Variants in RPS24 observed in about 807,000 individuals in gnomAD.
RPS24 encodes the protein ribosomal protein S24.
For synonymous variants in RPS24, 72 were observed against 55.6 expected (o/e 1.30, Z -1.31); for missense variants, 100 against 162.5 (o/e 0.62, Z 2.09).
chr10:78,050,796 TAGTTTTTGTAGAGACAG>T (rs1162408908), intron 4 of RPS24, among the ~76,000 whole-genome samples: 8 of 152,148 alleles, frequency 5.3e-5, no homozygotes, highest in Admixed American at 5.2e-4. Flanking sequence ...TCTTTTTTTT[TAGTTTTTGTAGAGACAG>T]AGTCTCTACA....
intron 1 of RPS24, among the ~76,000 whole-genome samples, chr10:78,035,085 T>C (rs1402447984): frequency 6.6e-6 from 1 of 152,176 alleles, no homozygotes; most frequent in Non-Finnish European, 1.5e-5. Context: ...AGTGCTGAGG[T>C]TGAGAAACCC....
intron 4 of RPS24, among the ~76,000 whole-genome samples, chr10:78,046,176 C>T (rs759455648): frequency 2.1e-4 from 32 of 152,018 alleles, no homozygotes; most frequent in South Asian, 4.1e-4. Flanking sequence ...CTCTAAGATC[C>T]GTTCTGCCTC....
At chr10:78,047,190 T>G (rs1391245777) in intron 4 of RPS24, among the ~76,000 whole-genome samples, 1 of 151,798 alleles carries the variant, frequency 6.6e-6, no homozygotes, top group Non-Finnish European at 1.5e-5. Context: ...GGTCTTGAAC[T>G]CCTGACGTCA....
At chr10:78,046,436 G>A (rs1848044645) in intron 4 of RPS24, among the ~76,000 whole-genome samples, 1 of 144,898 alleles carries the variant, frequency 6.9e-6, no homozygotes, top group Non-Finnish European at 1.5e-5. Flanking sequence ...TCAGCTCACT[G>A]CAACCTCCAC....
chr10:78,054,152 C>A (rs1426203735), intron 4 of RPS24, among the ~76,000 whole-genome samples: 2 of 151,906 alleles, frequency 1.3e-5, no homozygotes, highest in Non-Finnish European at 2.9e-5. Context: ...AGAGTCTGGG[C>A]AGGCAGAGGA....
In RPS24 at chr10:78,033,915, C is replaced by T. The variant is rs761058977; in HGVS notation, c.3+11C>T. The T allele has an allele frequency of 4.3e-6, 7 of 1,613,940 alleles. No individual in the cohort carries two copies. In the South Asian group the frequency reaches 4.4e-5, roughly 10 times the overall value. On this transcript the variant is annotated intron_variant, in intron 1 of 5. Coordinates refer to ENST00000372360, the MANE Select transcript of RPS24 (RefSeq NM_033022.4). ...TAGATCGCCATCATGGTGAGTCTCC[C>T]TGGGCCCGTGCAGTCATCTGCCGCG...
exon 5 of RPS24, chr10:78,054,535 G>A: frequency 6.5e-7 from 1 of 1,536,142 alleles, no homozygotes; most frequent in Non-Finnish European, 8.8e-7. Context: ...TTGCAGATGA[G>A]GGAATTGGGG....
intron 4 of RPS24, chr10:78,037,916 T>A: frequency 1.0e-6 from 1 of 956,220 alleles, no homozygotes; most frequent in Non-Finnish European, 1.4e-6. Flanking sequence ...TTTTTTTTTT[T>A]TTTTTTTTTG....
chr10:78,050,135 C>A (rs1237344413), intron 4 of RPS24, among the ~76,000 whole-genome samples: 1 of 142,238 alleles, frequency 7.0e-6, no homozygotes, highest in East Asian at 2.1e-4. Flanking sequence ...CCTCCTTCCT[C>A]CTTCCCCCTC....
chr10:78,051,338 A>G (rs1382884620), intron 4 of RPS24, among the ~76,000 whole-genome samples: 1 of 152,234 alleles, frequency 6.6e-6, no homozygotes, highest in Non-Finnish European at 1.5e-5. Flanking sequence ...ATGAAATCAT[A>G]TAGTGTATAT....
intron 4 of RPS24, chr10:78,049,001 G>A (rs1848073382): frequency 2.6e-5 from 4 of 152,278 alleles, no homozygotes; most frequent in Admixed American, 2.6e-4. Flanking sequence ...AGCGGGGAAG[G>A]AGAGCTCTTC....
Position 78,035,717 on chromosome 10 carries a change from A to C in RPS24, c.276A>C (p.Ala92=). Residue 92 remains alanine (A), a synonymous_variant, in exon 3 of 6, where the codon GCA becomes GCC. Coordinates refer to ENST00000372360, the MANE Select transcript of RPS24 (RefSeq NM_033022.4). ...AKKNEPKHRL[A]RHGLYEKKKT... Reference sequence around the variant, plus strand: ...AAAATGAACCCAAACATAGACTTGCAAGAGTAGGTGTCTTTTCATTTGTTG... The same window carrying C: ...AAAATGAACCCAAACATAGACTTGCCAGAGTAGGTGTCTTTTCATTTGTTG... The C allele has an allele frequency of 6.3e-7, 1 of 1,598,646 alleles. No individual in the cohort carries two copies. The highest frequency in any genetic ancestry group is 8.5e-7 in the Non-Finnish European group (1 of 1,178,882).
chr10:78,040,403 A>G, intron 5 of RPS24, 178 bp downstream of exon 5: 1 of 718,096 alleles, frequency 1.4e-6, no homozygotes, highest in Non-Finnish European at 2.4e-6. Flanking sequence ...AGGTTTAGCA[A>G]TATTTAGCCC....
Position 78,037,439 on chromosome 10 carries a change from A to C in RPS24, c.390+135A>C, listed in dbSNP as rs139254351. ...TTTTCCCTCTTCTTCTGGATTACAGAAGGTAACATGTTTTAAGAAACTATG... is the reference window on the plus strand; with the variant it reads ...TTTTCCCTCTTCTTCTGGATTACAGCAGGTAACATGTTTTAAGAAACTATG... On this transcript the variant is annotated intron_variant, in intron 4 of 5. Transcript: ENST00000372360. The C allele has an allele frequency of 1.0e-4, 145 of 1,396,064 alleles. No individual in the cohort carries two copies. The East Asian group carries it at 3.5e-3, about 33-fold the overall frequency. 86.5% of individuals were successfully genotyped at this position (1,396,064 alleles called of 1,614,324 possible). A position where few individuals can be genotyped will look rare whatever the true frequency, so the allele number is the denominator to read the frequency against.
chr10:78,035,316 G>T (rs1847839085), intron 1 of RPS24, 36 bp from the exon 2 acceptor site: 2 of 1,598,544 alleles, frequency 1.3e-6, no homozygotes, highest in Non-Finnish European at 1.7e-6. Flanking sequence ...AGAAAAGTTG[G>T]AGTAGTTTTA....
intron 4 of RPS24, among the ~76,000 whole-genome samples, chr10:78,046,764 C>G (rs1430216829): frequency 1.3e-5 from 2 of 152,170 alleles, no homozygotes; most frequent in Non-Finnish European, 2.9e-5. Flanking sequence ...CTATGGCATC[C>G]TATGATAAGC....
At chr10:78,034,169 C>T (rs999373531) in intron 1 of RPS24, 9 of 91,820 alleles carry the variant, frequency 9.8e-5, no homozygotes, top group African/African-American at 4.8e-4. Context: ...TCGTGGAGCA[C>T]GGTGGATGGG....
At chr10:78,050,562 A>G (rs746471593) in intron 4 of RPS24, among the ~76,000 whole-genome samples, 6 of 152,226 alleles carry the variant, frequency 3.9e-5, no homozygotes, top group Non-Finnish European at 5.9e-5. Flanking sequence ...GTGCAATTCA[A>G]TGGGTTTCAA....
At chr10:78,033,945 C>T in intron 1 of RPS24, 41 bp downstream of exon 1, 1 of 1,613,280 alleles carries the variant, frequency 6.2e-7, no homozygotes, top group Non-Finnish European at 8.5e-7. Context: ...GCCGCGTATC[C>T]GAGCCATCCG....
Sources: gnomAD v4.1 joint callset for allele counts (sites outside exome capture counted in the v4.1 genomes callset) on GRCh38, gnomAD v4.1.1 for gene constraint, MANE v1.5 for transcripts, NCBI Gene and HGNC (gene_info 2026-07-23, HGNC 2026-07-21) for gene names.